The following FRMPD4 variants were observed in gnomAD, a reference collection of about 807,000 sequenced individuals.
FRMPD4 encodes FERM and PDZ domain-containing protein 4.
A neutral mutation model predicts 94.1 loss-of-function variants in FRMPD4; 22 were observed. The ratio of observed to expected loss-of-function variants is 0.23; its 90% confidence interval spans 0.17 to 0.33. The LOEUF is 0.33. FRMPD4 is among the 10% of genes least tolerant of loss of function. The pLI, the probability that FRMPD4 is intolerant of heterozygous loss-of-function variation, is 1.00. For synonymous variants in FRMPD4, 631 were observed against 548.6 expected, an observed-to-expected ratio of 1.15 and a Z score of -2.10; for missense variants, 1,111 against 1,339.9, an observed-to-expected ratio of 0.83 and a Z score of 2.67.
At chrX:11,963,653 C>T (rs2054295142) in intron 3 of FRMPD4, among the ~76,000 whole-genome samples, 1 of 112,190 alleles carries the variant, frequency 8.9e-6, no homozygotes, top group Admixed American at 9.4e-5. Context: ...TAATTGAAGA[C>T]GAGTAGAACA....
At position 12,704,475 on chromosome X, in the gene FRMPD4, C is replaced by A; in HGVS notation, c.1187C>A (p.Pro396Gln). The A allele has an allele frequency of 8.5e-7, 1 of 1,171,260 alleles. No homozygotes were observed. The highest frequency in any genetic ancestry group is 1.1e-6 in the Non-Finnish European group (1 of 871,695). The change falls in exon 11 of 17, where the codon CCG (proline) becomes CAG (glutamine). Residue 396 changes from proline to glutamine, a missense_variant. Physicochemically the swap from Pro to Gln is moderately conservative, Grantham distance 76 (BLOSUM62 -1). Coordinates refer to ENST00000675598, the MANE Select transcript of FRMPD4 (RefSeq NM_001368397.1). ...LVKANQNLVP[P>Q]GKKLSALQAK... ...AAAGCAAATCAAAACTTGGTACCAC[C>A]GGGTAAAAAGGTATCACATTTCCAT...
intron 4 of FRMPD4, among the ~76,000 whole-genome samples, chrX:12,654,739 A>G (rs927849094): frequency 1.6e-4 from 18 of 111,736 alleles, no homozygotes; most frequent in African/African-American, 4.9e-4. Flanking sequence ...ATGAATACGT[A>G]TGAGAAACAG....
chrX:12,318,012 G>A (rs1471900571), intron 1 of FRMPD4, among the ~76,000 whole-genome samples: 1 of 112,416 alleles, frequency 8.9e-6, no homozygotes, highest in African/African-American at 3.2e-5. Context: ...CATGTTTATT[G>A]CAGCACTACT....
intron 1 of FRMPD4, among the ~76,000 whole-genome samples, chrX:12,177,131 T>C (rs1325280788): frequency 8.9e-6 from 1 of 112,016 alleles, no homozygotes; most frequent in African/African-American, 3.2e-5. Flanking sequence ...TTATAGGTGA[T>C]AGTGATTATG....
chrX:12,095,552 C>T (rs1425710176), intron 3 of FRMPD4, among the ~76,000 whole-genome samples: 1 of 110,899 alleles, frequency 9.0e-6, no homozygotes, highest in East Asian at 2.8e-4. Flanking sequence ...GACTATGTTG[C>T]CCACAAAGCC....
Position 12,596,062 on chromosome X carries a change from G to A in FRMPD4, c.159-13659G>A, listed in dbSNP as rs143136085. 2.6e-3 allele frequency among the ~76,000 whole-genome samples: 289 copies of A among 111,786 alleles called. 1 individual carries two copies. The highest frequency in any genetic ancestry group is 8.9e-3 in the African/African-American group (275 of 30,795). ...CTCAGATGCTCAAGAAAATCACCAGGGAATTAAAAAGATATAAGAGGCTGG... is the reference window on the plus strand; with the variant it reads ...CTCAGATGCTCAAGAAAATCACCAGAGAATTAAAAAGATATAAGAGGCTGG... On this transcript the variant is annotated intron_variant, in intron 2 of 16. Coordinates refer to ENST00000675598, the MANE Select transcript of FRMPD4 (RefSeq NM_001368397.1).
rs2054591684 is a variant in FRMPD4, at chrX:12,013,687, G to A, written c.95+135669G>A. 4.4e-5 allele frequency among the ~76,000 whole-genome samples: 5 copies of A among 113,130 alleles called. No individual in the cohort carries two copies. In the Admixed American group the frequency reaches 4.6e-4, roughly 10 times the overall value. ...ACAATTACCATTAGTACATGAACCTGGCATAGGCCAATTTCTGAGGTTATT... is the reference window on the plus strand; with the variant it reads ...ACAATTACCATTAGTACATGAACCTAGCATAGGCCAATTTCTGAGGTTATT... On this transcript the variant is annotated intron_variant, in intron 3 of 18. Coordinates refer to the FRMPD4 transcript ENST00000640291.
chrX:12,252,440 C>T (rs745631178), intron 1 of FRMPD4, among the ~76,000 whole-genome samples: 107 of 111,986 alleles, frequency 9.6e-4, no homozygotes, highest in Non-Finnish European at 1.8e-3. Flanking sequence ...CAGAGTATGT[C>T]CTCAACCATT....
At chrX:12,292,385 G>T (rs1319067362) in intron 1 of FRMPD4, among the ~76,000 whole-genome samples, 1 of 110,966 alleles carries the variant, frequency 9.0e-6, no homozygotes, top group Non-Finnish European at 1.9e-5. Flanking sequence ...ATTGTTTTTG[G>T]TGGTGTTGCC....
intron 3 of FRMPD4, among the ~76,000 whole-genome samples, chrX:11,884,795 G>A (rs750721787): frequency 2.0e-4 from 22 of 111,154 alleles, no homozygotes; most frequent in Non-Finnish European, 3.6e-4. Context: ...AAATACTGGC[G>A]TGAATAAAGT....
chrX:12,274,138 T>TC (rs975648758), intron 1 of FRMPD4, among the ~76,000 whole-genome samples: 1 of 111,365 alleles, frequency 9.0e-6, no homozygotes. Flanking sequence ...TCTAGGATTT[T>TC]TTTTTTTTAA....
chrX:12,718,893 G>A, intron 16 of FRMPD4, 103 bp downstream of exon 16: 1 of 533,141 alleles, frequency 1.9e-6, no homozygotes, highest in African/African-American at 2.3e-5. Context: ...AAAGTAAAAG[G>A]TAGAATTTTA....
intron 1 of FRMPD4, among the ~76,000 whole-genome samples, chrX:11,833,321 G>A (rs756613041): frequency 8.9e-6 from 1 of 112,284 alleles, no homozygotes; most frequent in Non-Finnish European, 1.9e-5. Context: ...TGCAGGTTTT[G>A]TGTGGACATA....
chrX:11,969,617 G>C (rs748202322), intron 3 of FRMPD4, among the ~76,000 whole-genome samples: 2 of 112,062 alleles, frequency 1.8e-5, no homozygotes, highest in African/African-American at 6.5e-5. Context: ...CAGGTTCAAA[G>C]TGTTAGGCGC....
intron 1 of FRMPD4, among the ~76,000 whole-genome samples, chrX:12,169,418 C>T (rs1191447681): frequency 2.7e-5 from 3 of 111,725 alleles, no homozygotes; most frequent in Admixed American, 9.5e-5. Flanking sequence ...TGCAGTATAC[C>T]TTTTTGTGTA....
chrX:12,581,903 T>C (rs2058869556), intron 2 of FRMPD4, among the ~76,000 whole-genome samples: 2 of 112,023 alleles, frequency 1.8e-5, no homozygotes, highest in Middle Eastern at 4.6e-3. Context: ...CACCCTGCCA[T>C]CTGACACTTC....
At chrX:12,171,103 T>G (rs1399486302) in intron 1 of FRMPD4, among the ~76,000 whole-genome samples, 1 of 112,815 alleles carries the variant, frequency 8.9e-6, no homozygotes, top group Non-Finnish European at 1.9e-5. Flanking sequence ...TAGAAACCAC[T>G]TTTTATTTCC....
At chrX:12,400,806 C>A (rs139424870) in intron 1 of FRMPD4, among the ~76,000 whole-genome samples, 1,539 of 112,014 alleles carry the variant, frequency 0.014, 23 homozygotes, top group African/African-American at 0.044. Context: ...TGTGATGACA[C>A]TGATTTGAAG....
chrX:11,998,157 A>G, intron 3 of FRMPD4, among the ~76,000 whole-genome samples: 1 of 111,297 alleles, frequency 9.0e-6, no homozygotes, highest in Non-Finnish European at 1.9e-5. Flanking sequence ...GTGTTGAAGG[A>G]TTTTCTGATT....
Sources: gnomAD v4.1 joint callset for allele counts (sites outside exome capture counted in the v4.1 genomes callset) on GRCh38, gnomAD v4.1.1 for gene constraint, MANE v1.5 for transcripts, NCBI Gene and HGNC (gene_info 2026-07-23, HGNC 2026-07-21) for gene names.